Variants in NEDD4L observed in about 807,000 individuals in gnomAD.
The protein encoded by NEDD4L is E3 ubiquitin-protein ligase NEDD4-like.
A neutral mutation model predicts 148.9 loss-of-function variants in NEDD4L; 54 were observed. The observed-to-expected ratio is 0.36, with a 90% CI of 0.29 to 0.45. The LOEUF (loss-of-function observed/expected upper bound fraction) is 0.45. Ranked by LOEUF, NEDD4L falls within the 20% of genes least tolerant of loss-of-function variation. The pLI is 1.00. For missense variants in NEDD4L, 856 were observed against 1,233.8 expected (o/e 0.69, Z 4.59); for synonymous variants, 433 against 440.7 (o/e 0.98, Z 0.22).
At chr18:58,344,706 T>C (rs1485488323) in intron 16 of NEDD4L, among the ~76,000 whole-genome samples, 2 of 140,752 alleles carry the variant, frequency 1.4e-5, no homozygotes, top group African/African-American at 5.0e-5. Flanking sequence ...TTGGAAAATA[T>C]AGTAATGGAG....
intron 5 of NEDD4L, among the ~76,000 whole-genome samples, chr18:58,253,780 C>T (rs948500846): frequency 3.3e-5 from 5 of 152,080 alleles, no homozygotes; most frequent in African/African-American, 4.8e-5. Flanking sequence ...TTCCCATTTC[C>T]GTATCTGAAA....
intron 1 of NEDD4L, among the ~76,000 whole-genome samples, chr18:58,096,386 ATTTTATTTTATTTTATTTTATTTTATTTT>A (rs1568210515): frequency 7.2e-6 from 1 of 138,468 alleles, no homozygotes; most frequent in African/African-American, 2.8e-5. Context: ...ATTTTATTTT[ATTTTATTTTATTTTATTTTATTTTATTTT>A]ATTTATTTGA....
intron 1 of NEDD4L, among the ~76,000 whole-genome samples, chr18:58,134,263 A>T (rs1360281127): frequency 6.6e-6 from 1 of 152,084 alleles, no homozygotes; most frequent in African/African-American, 2.4e-5. Context: ...GGGCTCCCAA[A>T]GTGCTGGCAT....
At chr18:58,246,563 C>T (rs1217934085) in intron 3 of NEDD4L, among the ~76,000 whole-genome samples, 3 of 152,166 alleles carry the variant, frequency 2.0e-5, no homozygotes, top group Non-Finnish European at 4.4e-5. Flanking sequence ...CTCCTGGGTT[C>T]AAGTGATTCT....
In NEDD4L at chr18:58,258,293, T is replaced by G. The variant is rs80024981; in HGVS notation, c.297+6239T>G. On this transcript the variant is annotated intron_variant, in intron 5 of 30. Transcript: ENST00000400345. Reference sequence around the variant, plus strand: ...CCCAACAAATTACCATCATGACAGTTGTAGGCTTTGTTCGGCAACACAATT... The same window carrying G: ...CCCAACAAATTACCATCATGACAGTGGTAGGCTTTGTTCGGCAACACAATT... 2.8e-3 allele frequency among the ~76,000 whole-genome samples: 422 copies of G among 152,318 alleles called. 2 individuals are homozygous for G. Among genetic ancestry groups the G allele is most frequent in the Non-Finnish European group, 4.6e-3 (311 of 68,032 alleles).
intron 1 of NEDD4L, among the ~76,000 whole-genome samples, chr18:58,156,850 G>T (rs529548817): frequency 6.6e-6 from 1 of 152,228 alleles, no homozygotes; most frequent in East Asian, 1.9e-4. Flanking sequence ...TCCCATGAAA[G>T]AATCTGGTCT....
chr18:58,199,275 G>A (rs2041117107), intron 2 of NEDD4L, among the ~76,000 whole-genome samples: 1 of 152,130 alleles, frequency 6.6e-6, no homozygotes, highest in African/African-American at 2.4e-5. Flanking sequence ...TAAAGCCGGT[G>A]GTTCTCAACC....
At chr18:58,138,849 A>G (rs61191380) in intron 1 of NEDD4L, among the ~76,000 whole-genome samples, 3,647 of 152,314 alleles carry the variant, frequency 0.024, 109 homozygotes, top group East Asian at 0.16. Flanking sequence ...CCACCTTCCA[A>G]TACCGCCATC....
At chr18:58,290,663 T>C (rs1372066009) in intron 5 of NEDD4L, among the ~76,000 whole-genome samples, 1 of 152,078 alleles carries the variant, frequency 6.6e-6, no homozygotes, top group African/African-American at 2.4e-5. Flanking sequence ...AGAAAATGTA[T>C]CTTTATGCAG....
intron 1 of NEDD4L, among the ~76,000 whole-genome samples, chr18:58,119,334 T>C (rs1266362569): frequency 1.3e-5 from 2 of 152,142 alleles, no homozygotes; most frequent in Admixed American, 1.3e-4. Flanking sequence ...TGGGCACCTG[T>C]ATACATTTGT....
chr18:58,108,964 AG>A (rs2085247528), intron 1 of NEDD4L, among the ~76,000 whole-genome samples: 1 of 152,262 alleles, frequency 6.6e-6, no homozygotes, highest in Non-Finnish European at 1.5e-5. Flanking sequence ...TTCCCATGAT[AG>A]GCACTTGTGC....
intron 12 of NEDD4L, 112 bp downstream of exon 12, chr18:58,334,004 G>A (rs549467223): frequency 1.6e-6 from 1 of 624,978 alleles, no homozygotes; most frequent in South Asian, 3.6e-5. Context: ...CAATATAAAT[G>A]AGATGTTTTT....
chr18:58,093,987 C>T (rs1452592849), intron 1 of NEDD4L, among the ~76,000 whole-genome samples: 2 of 152,100 alleles, frequency 1.3e-5, no homozygotes, highest in Non-Finnish European at 2.9e-5. Flanking sequence ...TTTCCTGAAG[C>T]CTGACTCCTT....
chr18:58,391,718 T>C (rs1341186009), intron 30 of NEDD4L, among the ~76,000 whole-genome samples, 159 bp downstream of exon 30: 1 of 152,196 alleles, frequency 6.6e-6, no homozygotes, highest in Non-Finnish European at 1.5e-5. Flanking sequence ...TGTACAGTAG[T>C]GCTAATAAGA....
chr18:58,210,703 C>T (rs1201099538), intron 2 of NEDD4L, among the ~76,000 whole-genome samples: 1 of 151,998 alleles, frequency 6.6e-6, no homozygotes, highest in Non-Finnish European at 1.5e-5. Context: ...TTTTACTCTT[C>T]CAGGACATAC....
At chr18:58,108,158 G>A (rs1289960387) in intron 1 of NEDD4L, among the ~76,000 whole-genome samples, 3 of 152,160 alleles carry the variant, frequency 2.0e-5, no homozygotes, top group African/African-American at 4.8e-5. Context: ...CGTGATAAAC[G>A]TTAGCCTGAG....
chr18:58,141,857 T>C (rs1292631862), intron 1 of NEDD4L, among the ~76,000 whole-genome samples: 1 of 152,224 alleles, frequency 6.6e-6, no homozygotes, highest in Middle Eastern at 3.4e-3. Flanking sequence ...TAAGCCTGGC[T>C]CAGCTCTTGC....
chr18:58,191,459 C>A (rs1048994241), intron 2 of NEDD4L, among the ~76,000 whole-genome samples: 13 of 152,134 alleles, frequency 8.5e-5, no homozygotes, highest in Admixed American at 7.2e-4. Flanking sequence ...ATTTCAGAAT[C>A]CAGAGGTTTG....
At chr18:58,199,857 G>A (rs1599632475) in intron 2 of NEDD4L, among the ~76,000 whole-genome samples, 1 of 152,208 alleles carries the variant, frequency 6.6e-6, no homozygotes, top group African/African-American at 2.4e-5. Flanking sequence ...TGGAAATAAA[G>A]TGTGGAATTT....
Sources: gnomAD v4.1 joint callset for allele counts (sites outside exome capture counted in the v4.1 genomes callset) on GRCh38, gnomAD v4.1.1 for gene constraint, MANE v1.5 for transcripts, NCBI Gene and HGNC (gene_info 2026-07-23, HGNC 2026-07-21) for gene names.